CDH20: variants seen among roughly 807,000 people sequenced by gnomAD.
CDH20 encodes cadherin-20.
CDH20 carries 29 observed loss-of-function variants against 74.2 expected under a neutral mutation model. The observed-to-expected ratio is 0.39, with a 90% CI of 0.29 to 0.53. The LOEUF is 0.53. Among genes scored for constraint, CDH20 ranks in the 20% least tolerant of loss-of-function variants. The probability of loss-of-function intolerance (pLI) is 0.69; values close to 1 mark genes in which losing one functional copy is unlikely to be tolerated. For missense variants in CDH20, 988 were observed against 1,048.3 expected, an observed-to-expected ratio of 0.94 and a Z score of 0.79; for synonymous variants, 469 against 405.4, an observed-to-expected ratio of 1.16 and a Z score of -1.88.
chr18:61,461,948 C>A (rs999389225), intron 1 of CDH20, among the ~76,000 whole-genome samples: 3 of 152,116 alleles, frequency 2.0e-5, no homozygotes, highest in Non-Finnish European at 2.9e-5. Context: ...AGTTGCACTC[C>A]TATGCAAACG....
chr18:61,536,649 G>A lies in CDH20; in HGVS notation c.1408+20G>A. ...AAATGAGTAAGTAGCACAGTAAGTT[G>A]GTCTCCATGCAGTGACAAAATATAG... On this transcript the variant is annotated intron_variant, in intron 8 of 11. Transcript: ENST00000262717. 1.2e-6 allele frequency: 2 copies of A among 1,610,768 alleles called. No individual in the cohort carries two copies. The highest frequency in any genetic ancestry group is 1.1e-5 in the South Asian group (1 of 90,772).
At chr18:61,401,547 T>C (rs1912154318) in intron 1 of CDH20, among the ~76,000 whole-genome samples, 1 of 152,188 alleles carries the variant, frequency 6.6e-6, no homozygotes. Flanking sequence ...TTCTAGGACA[T>C]GACTCTACAT....
intron 1 of CDH20, among the ~76,000 whole-genome samples, chr18:61,400,912 C>T (rs1912132256): frequency 6.6e-6 from 1 of 152,182 alleles, no homozygotes; most frequent in African/African-American, 2.4e-5. Flanking sequence ...AAGGGCCTGA[C>T]TCATAATAAG....
intron 2 of CDH20, among the ~76,000 whole-genome samples, chr18:61,491,306 A>T (rs1051779257): frequency 1.3e-5 from 2 of 152,232 alleles, no homozygotes; most frequent in Non-Finnish European, 2.9e-5. Context: ...TATATTTATA[A>T]ATGTTATATT....
chr18:61,429,057 G>C (rs62098091), intron 1 of CDH20, among the ~76,000 whole-genome samples: 2,083 of 152,234 alleles, frequency 0.014, 48 homozygotes, highest in African/African-American at 0.045. Context: ...AGTGGAGAGC[G>C]TTATGTAGGA....
intron 1 of CDH20, among the ~76,000 whole-genome samples, chr18:61,476,578 C>T (rs536913312): frequency 6.6e-6 from 1 of 152,204 alleles, no homozygotes; most frequent in South Asian, 2.1e-4. Context: ...AGTAGAAGGT[C>T]GATGATAAAG....
chr18:61,416,626 C>T (rs941487736), intron 1 of CDH20, among the ~76,000 whole-genome samples: 1 of 152,176 alleles, frequency 6.6e-6, no homozygotes, highest in African/African-American at 2.4e-5. Flanking sequence ...AGTGTGCGTG[C>T]CCTAGATTAG....
chr18:61,372,977 A>G (rs1911093540), intron 1 of CDH20, among the ~76,000 whole-genome samples: 2 of 152,132 alleles, frequency 1.3e-5, no homozygotes, highest in Admixed American at 6.6e-5. Context: ...AGTACACTCT[A>G]GGGACCAAAA....
chr18:61,454,524 A>T (rs981854059), intron 1 of CDH20, among the ~76,000 whole-genome samples: 3 of 152,222 alleles, frequency 2.0e-5, no homozygotes, highest in Non-Finnish European at 2.9e-5. Flanking sequence ...TGAAATAAGA[A>T]AGTCTCAACT....
chr18:61,489,815 C>T (rs923491032), intron 1 of CDH20, among the ~76,000 whole-genome samples: 1 of 151,984 alleles, frequency 6.6e-6, no homozygotes, highest in African/African-American at 2.4e-5. Context: ...AACTTGAAAT[C>T]CACTGTGAGC....
At chr18:61,416,916 A>G (rs74396336) in intron 1 of CDH20, among the ~76,000 whole-genome samples, 11,652 of 152,322 alleles carry the variant, frequency 0.076, 615 homozygotes, top group East Asian at 0.21. Context: ...AACTATAGAT[A>G]TATACCGTTT....
intron 1 of CDH20, among the ~76,000 whole-genome samples, chr18:61,352,146 T>C (rs1910325910): frequency 6.6e-6 from 1 of 152,220 alleles, no homozygotes; most frequent in Non-Finnish European, 1.5e-5. Context: ...AGTACACATC[T>C]TAATAAACCA....
At chr18:61,516,638 T>C (rs1912012636) in intron 6 of CDH20, among the ~76,000 whole-genome samples, 2 of 152,176 alleles carry the variant, frequency 1.3e-5, no homozygotes, top group Admixed American at 1.3e-4. Context: ...TTATTTTCTA[T>C]TATGAATACA....
intron 1 of CDH20, among the ~76,000 whole-genome samples, chr18:61,361,784 T>C (rs946176735): frequency 6.6e-6 from 1 of 152,228 alleles, no homozygotes; most frequent in Non-Finnish European, 1.5e-5. Flanking sequence ...AGTCATTTTA[T>C]TGTATTTTAT....
At chr18:61,371,983 T>C (rs1191695239) in intron 1 of CDH20, among the ~76,000 whole-genome samples, 1 of 152,136 alleles carries the variant, frequency 6.6e-6, no homozygotes, top group Non-Finnish European at 1.5e-5. Context: ...TAAATATCCC[T>C]GTGAGAGTTA....
intron 1 of CDH20, among the ~76,000 whole-genome samples, chr18:61,464,315 TA>T (rs35878314): frequency 0.012 from 1,755 of 146,576 alleles, 15 homozygotes; most frequent in African/African-American, 0.018. Context: ...AGCAAGGTGT[TA>T]AAAAAAAAAA....
chr18:61,510,195 T>G (rs959720143), intron 6 of CDH20, among the ~76,000 whole-genome samples: 1 of 151,792 alleles, frequency 6.6e-6, no homozygotes, highest in African/African-American at 2.4e-5. Flanking sequence ...GGACTGAGCA[T>G]AGACAGAAAA....
intron 1 of CDH20, among the ~76,000 whole-genome samples, chr18:61,471,697 G>T (rs72993709): frequency 0.12 from 18,655 of 152,136 alleles, 1,393 homozygotes; most frequent in Middle Eastern, 0.2. Context: ...AATCCCCAAT[G>T]ATATTACCTC....
chr18:61,458,559 A>G (rs1909660456), intron 1 of CDH20, among the ~76,000 whole-genome samples: 1 of 152,142 alleles, frequency 6.6e-6, no homozygotes, highest in African/African-American at 2.4e-5. Flanking sequence ...TTGATTCTGT[A>G]GGCAGCAATA....
Sources: gnomAD v4.1 joint callset for allele counts (sites outside exome capture counted in the v4.1 genomes callset) on GRCh38, gnomAD v4.1.1 for gene constraint, MANE v1.5 for transcripts, NCBI Gene and HGNC (gene_info 2026-07-23, HGNC 2026-07-21) for gene names.